NVL: variants seen among roughly 807,000 people sequenced by gnomAD.
The protein encoded by NVL is nuclear VCP like.
NVL carries 84 observed loss-of-function variants against 110.2 expected under a neutral mutation model. The ratio of observed to expected loss-of-function variants is 0.76; its 90% CI spans 0.64 to 0.91. The LOEUF (loss-of-function observed/expected upper bound fraction) is 0.91. Ranked by LOEUF, NVL falls within the 40% of genes least tolerant of loss-of-function variation. The probability of loss-of-function intolerance (pLI) is 0.00; values close to 1 mark genes in which losing one functional copy is unlikely to be tolerated. For missense variants in NVL, 882 were observed against 1,035.9 expected, an observed-to-expected ratio of 0.85 and a Z score of 2.04; for synonymous variants, 354 against 361.1, an observed-to-expected ratio of 0.98 and a Z score of 0.22.
chr1:224,254,572 GT>G (rs71168400), intron 18 of NVL, among the ~76,000 whole-genome samples: 26 of 134,228 alleles, frequency 1.9e-4, no homozygotes, highest in African/African-American at 5.2e-4. Flanking sequence ...TGTTTTTTTT[GT>G]TTTTTTTTTT....
Position 224,244,456 on chromosome 1 carries a change from A to T in NVL, c.2289+5756T>A, listed in dbSNP as rs191435356. On this transcript the variant is annotated intron_variant, in intron 19 of 22. Coordinates refer to ENST00000281701, the MANE Select transcript of NVL (RefSeq NM_002533.4). ...ACTAGAAATACCAAATAAAAAATAT[A>T]AAAAAGTAGTATATGGCTCGCTCTT... Among the ~76,000 whole-genome samples, 92 of 152,222 alleles carry T rather than the reference A, an allele frequency of 6.0e-4. 1 individual carries two copies. The South Asian group carries it at 7.7e-3, about 13-fold the overall frequency.
intron 13 of NVL, among the ~76,000 whole-genome samples, chr1:224,288,255 T>C (rs1384151427): frequency 6.6e-6 from 1 of 152,206 alleles, no homozygotes; most frequent in Non-Finnish European, 1.5e-5. Flanking sequence ...GGGCTAGGTA[T>C]AGCAAATATA....
chr1:224,311,487 GC>G (rs1462668790), intron 5 of NVL, among the ~76,000 whole-genome samples: 1 of 152,080 alleles, frequency 6.6e-6, no homozygotes, highest in African/African-American at 2.4e-5. Context: ...TCCCACCTCA[GC>G]CCCCCAAGTA....
chr1:224,289,650 A>G lies in NVL; in HGVS notation c.1409T>C (p.Val470Ala), dbSNP rs374779596. ...GCACAGTGCCATGAGATCAGCACCAACAAAGCCTGGAGTTAGGTGTGCTAA... is the reference window on the plus strand; with the variant it reads ...GCACAGTGCCATGAGATCAGCACCAGCAAAGCCTGGAGTTAGGTGTGCTAA... ...CHLAHLTPGF[V>A]GADLMALCRE... Residue 470 changes from valine to alanine, a missense_variant, in exon 13 of 23, where the codon GTT becomes GCT. By Grantham distance (64) the Val-to-Ala change is moderately conservative (BLOSUM62 0). Around this residue, in one of 4 missense-constraint regions of NVL, gnomAD observed 416 missense variants for 499.3 expected, o/e 0.83. Transcript: ENST00000281701. The G allele has an allele frequency of 6.5e-5, 105 of 1,614,150 alleles. 1 individual carries two copies. The highest frequency in any genetic ancestry group is 8.7e-5 in the Non-Finnish European group (103 of 1,180,050).
rs146550995 is a variant in NVL, at chr1:224,257,241, C to T, written c.2183-6923G>A. ...AGATGGTTGCCTGAAAAAGAACCCT[C>T]CTTTCATCTGTTGATAAGCAGCACC... On this transcript the variant is annotated intron_variant, in intron 18 of 22. Coordinates refer to ENST00000281701, the MANE Select transcript of NVL (RefSeq NM_002533.4). 2.7e-3 allele frequency: 1,154 copies of T among 422,752 alleles called. 7 individuals carry two copies. Among genetic ancestry groups the T allele is most frequent in the Non-Finnish European group, 4.1e-3 (878 of 212,970 alleles). The allele number at this position is 422,752 out of a possible 1,614,324, so 26.2% of individuals were successfully genotyped here.
intron 22 of NVL, chr1:224,228,106 A>T (rs1406370981): frequency 6.6e-6 from 1 of 152,216 alleles, no homozygotes; most frequent in Non-Finnish European, 1.5e-5. Flanking sequence ...AAGAGAGGTG[A>T]TATTTTACCT....
intron 2 of NVL, among the ~76,000 whole-genome samples, chr1:224,320,890 T>C (rs1230071699): frequency 1.3e-5 from 2 of 152,144 alleles, no homozygotes; most frequent in African/African-American, 4.8e-5. Flanking sequence ...TTTTCTTAAA[T>C]GTGAAATTAC....
intron 18 of NVL, among the ~76,000 whole-genome samples, chr1:224,254,276 A>G (rs1662890397): frequency 6.7e-6 from 1 of 148,530 alleles, no homozygotes; most frequent in Admixed American, 6.7e-5. Context: ...TATTTTTAGT[A>G]GAGACGGGGT....
chr1:224,323,689 A>C (rs1188373390), intron 2 of NVL, among the ~76,000 whole-genome samples: 4 of 152,202 alleles, frequency 2.6e-5, no homozygotes, highest in Non-Finnish European at 5.9e-5. Context: ...GCTCAAAAGA[A>C]GGCAGGGCTG....
chr1:224,236,922 C>T (rs770314076), intron 19 of NVL, among the ~76,000 whole-genome samples: 2 of 151,998 alleles, frequency 1.3e-5, no homozygotes, highest in Non-Finnish European at 2.9e-5. Flanking sequence ...AAGATAAAGA[C>T]CATATTCATC....
chr1:224,311,193 G>A, intron 5 of NVL, among the ~76,000 whole-genome samples: 1 of 151,852 alleles, frequency 6.6e-6, no homozygotes, highest in East Asian at 1.9e-4. Flanking sequence ...GAGTAGCTGG[G>A]ACCACAGGTG....
At chr1:224,230,112 A>G (rs1351414892) in intron 22 of NVL, among the ~76,000 whole-genome samples, 1 of 152,194 alleles carries the variant, frequency 6.6e-6, no homozygotes, top group Non-Finnish European at 1.5e-5. Context: ...GATAACAGGC[A>G]TAAGCCCCTG....
chr1:224,296,440 A>G, intron 11 of NVL, 61 bp downstream of exon 11: 2 of 841,906 alleles, frequency 2.4e-6, no homozygotes, highest in Non-Finnish European at 3.6e-6. Context: ...ATCTTCATGT[A>G]TTAATTACAC....
chr1:224,311,650 G>A, intron 5 of NVL, 150 bp downstream of exon 5: 1 of 638,392 alleles, frequency 1.6e-6, no homozygotes, highest in Non-Finnish European at 2.8e-6. Flanking sequence ...AAATTCCTGG[G>A]CTCAAGTGAT....
At chr1:224,274,058 A>ACACC (rs569757319) in intron 17 of NVL, among the ~76,000 whole-genome samples, 3 of 151,454 alleles carry the variant, frequency 2.0e-5, no homozygotes, top group Admixed American at 6.6e-5. Flanking sequence ...ACACACACAC[A>ACACC]CCCATATTGA....
chr1:224,308,241 G>A lies in NVL; in HGVS notation c.365C>T (p.Ser122Phe). The change falls in exon 6 of 23, where the codon TCC becomes TTC. Residue 122 changes from serine to phenylalanine, a missense_variant. Ser to Phe is a radical substitution (Grantham distance 155). This residue lies in a region of NVL where 274 missense variants were observed against 268.4 expected (regional missense o/e 1.02). Transcript: ENST00000281701. ...TCCTTTCCGATATAAAGACAGCAGGGAACTGTTCATGTGATTTGCTGACTG... is the reference window on the plus strand; with the variant it reads ...TCCTTTCCGATATAAAGACAGCAGGAAACTGTTCATGTGATTTGCTGACTG... Reference protein sequence around the residue: ...DPQSANHMNSSLLSLYRKGNP... With the variant: ...DPQSANHMNSFLLSLYRKGNP... 6.2e-7 allele frequency: 1 copy of A among 1,607,710 alleles called. No homozygotes were observed. Among genetic ancestry groups the A allele is most frequent in the Non-Finnish European group, 8.5e-7 (1 of 1,177,992 alleles).
At chr1:224,324,507 C>A (rs370352223) in intron 2 of NVL, among the ~76,000 whole-genome samples, 1 of 152,200 alleles carries the variant, frequency 6.6e-6, no homozygotes, top group Non-Finnish European at 1.5e-5. Flanking sequence ...TAGCTCACTG[C>A]AACCTTGAAC....
In NVL at chr1:224,227,454, G is replaced by T. The variant is rs1313917307; in HGVS notation, c.*172C>A. The T allele has an allele frequency of 1.4e-5, 6 of 442,556 alleles. No individual in the cohort carries two copies. The highest frequency in any genetic ancestry group is 2.4e-5 in the Non-Finnish European group (6 of 247,384). The allele number at this position is 442,556 out of a possible 1,614,324, so 27.4% of individuals were successfully genotyped here. On this transcript the variant is annotated 3_prime_UTR_variant, in exon 23 of 23. Transcript: ENST00000281701. Reference sequence around the variant, plus strand: ...AAGAAGGCATTTTCACACAAGGCTGGCCAGATGGGAAGAATCTTCAGCTTC... The same window carrying T: ...AAGAAGGCATTTTCACACAAGGCTGTCCAGATGGGAAGAATCTTCAGCTTC...
chr1:224,320,258 C>CTTTG (rs988642932), intron 2 of NVL, among the ~76,000 whole-genome samples: 2 of 152,016 alleles, frequency 1.3e-5, no homozygotes, highest in African/African-American at 4.8e-5. Context: ...TAATAAAAGC[C>CTTTG]TTTGTCCTTA....
Sources: allele counts gnomAD v4.1 joint callset (sites outside exome capture counted in the v4.1 genomes callset), GRCh38; gene constraint gnomAD v4.1.1; regional missense constraint gnomAD v4.1.1; transcripts MANE v1.5; gene names NCBI Gene and HGNC (gene_info 2026-07-23, HGNC 2026-07-21).